ADGRG6: variants seen among roughly 807,000 people sequenced by gnomAD.
ADGRG6 encodes G-protein coupled receptor 126.
In ADGRG6, 84 loss-of-function variants were observed where a neutral mutation model predicts 142.4. That is an observed-to-expected ratio of 0.59 (90% CI 0.49 to 0.71). The LOEUF (loss-of-function observed/expected upper bound fraction) is 0.71. ADGRG6 is among the 30% of genes least tolerant of loss of function. The pLI is 0.00. For missense variants in ADGRG6, 1,367 were observed against 1,466.6 expected (o/e 0.93, Z 1.11); for synonymous variants, 521 against 520.5 (o/e 1.00, Z -0.01).
intron 2 of ADGRG6, among the ~76,000 whole-genome samples, chr6:142,318,517 T>C (rs751345876): frequency 3.4e-5 from 5 of 145,736 alleles, no homozygotes; most frequent in Non-Finnish European, 7.4e-5. Context: ...TTAGTGTTAT[T>C]GGGGAGACTA....
Position 142,409,896 on chromosome 6 carries a change from C to T in ADGRG6, c.2411C>T (p.Ala804Val). 1.3e-6 allele frequency: 2 copies of T among 1,489,670 alleles called. No individual in the cohort carries two copies. The highest frequency in any genetic ancestry group is 1.9e-6 in the Non-Finnish European group (2 of 1,080,634). The allele number at this position is 1,489,670 out of a possible 1,614,324, so 92.3% of individuals were successfully genotyped here. Residue 804 changes from alanine (A) to valine (V), a missense_variant, in exon 17 of 25, where the codon GCC (alanine) becomes GTC (valine). Physicochemically the swap from Ala to Val is moderately conservative, Grantham distance 64. Around this residue, in one of 3 missense-constraint regions of ADGRG6, gnomAD observed 286 missense variants for 371.4 expected, o/e 0.77. Coordinates refer to ENST00000367609, the MANE Select transcript of ADGRG6 (RefSeq NM_198569.3). ...RTQEVHHPIC[A>V]FWDLNKNKSF... is the part of the protein sequence containing the mutation. Reference sequence around the variant, plus strand: ...TAGGAAGTGCATCATCCCATCTGTGCCTTCTGGGATCTGAACAAAAACAGT... The same window carrying T: ...TAGGAAGTGCATCATCCCATCTGTGTCTTCTGGGATCTGAACAAAAACAGT...
chr6:142,333,369 A>G (rs1350355649), intron 2 of ADGRG6, among the ~76,000 whole-genome samples: 1 of 152,136 alleles, frequency 6.6e-6, no homozygotes, highest in African/African-American at 2.4e-5. Flanking sequence ...CTATTTCCCT[A>G]AGAGTTTACA....
intron 4 of ADGRG6, among the ~76,000 whole-genome samples, chr6:142,373,710 T>C (rs769375159): frequency 3.9e-5 from 6 of 152,128 alleles, no homozygotes; most frequent in Non-Finnish European, 7.4e-5. Context: ...CAGCTAATTT[T>C]TTAAAACATT....
intron 22 of ADGRG6, among the ~76,000 whole-genome samples, chr6:142,434,303 T>G (rs954027561): frequency 2.6e-5 from 4 of 151,170 alleles, no homozygotes; most frequent in African/African-American, 9.7e-5. Context: ...CTCTCAGAGA[T>G]CAACATATTT....
At chr6:142,361,649 A>G (rs1356368224) in intron 2 of ADGRG6, among the ~76,000 whole-genome samples, 3 of 152,200 alleles carry the variant, frequency 2.0e-5, no homozygotes, top group Non-Finnish European at 2.9e-5. Flanking sequence ...TCAGAGGCCT[A>G]TGGATTCATG....
chr6:142,348,142 A>C (rs1411929447), intron 2 of ADGRG6, among the ~76,000 whole-genome samples: 1 of 152,136 alleles, frequency 6.6e-6, no homozygotes, highest in Non-Finnish European at 1.5e-5. Context: ...TGGTGGAATT[A>C]AGGTTTTGAG....
rs541983746 is a variant in ADGRG6 at position 142,343,791 on chromosome 6, A to G, written c.104-23778A>G. On this transcript the variant is annotated intron_variant, in intron 2 of 24. Coordinates refer to ENST00000367609, the MANE Select transcript of ADGRG6 (RefSeq NM_198569.3). The stretch of plus-strand genomic sequence containing the variant: ...GTGCAGTTCAATCACTTATTTCAAC[A>G]TGGTACAAAAAAGTCAAGTGTGTGA... Among the ~76,000 whole-genome samples the G allele has an allele frequency of 4.6e-5, 7 of 152,084 alleles. No homozygotes were observed. The East Asian group carries it at 5.8e-4, about 13-fold the overall frequency.
chr6:142,361,386 C>T (rs1235254881), intron 2 of ADGRG6, among the ~76,000 whole-genome samples: 3 of 152,054 alleles, frequency 2.0e-5, no homozygotes, highest in Admixed American at 6.6e-5. Flanking sequence ...TCGGATGATG[C>T]CCATGCTGCT....
In ADGRG6 at chr6:142,416,021, TTACATTCGCCGA is replaced by T; in HGVS notation, c.2903_2914del (p.Arg968_Ile971del). The T allele has an allele frequency of 6.2e-7, 1 of 1,612,108 alleles. No homozygotes were observed. The highest frequency in any genetic ancestry group is 8.5e-7 in the Non-Finnish European group (1 of 1,178,390). On this transcript the variant is annotated inframe_deletion, in exon 20 of 25. Coordinates refer to ENST00000367609, the MANE Select transcript of ADGRG6 (RefSeq NM_198569.3). The stretch of plus-strand genomic sequence containing the variant: ...TTGCTCTAGTTAAAGTATTTAACAC[TTACATTCGCCGA>T]TACATTCTAAAATTCTGCATCATTG...
chr6:142,309,477 T>C, intron 1 of ADGRG6, 67 bp from the exon 2 acceptor site: 1 of 1,134,154 alleles, frequency 8.8e-7, no homozygotes, highest in Non-Finnish European at 1.3e-6. Context: ...CCTATAGTTT[T>C]TACTTTATTT....
chr6:142,381,971 C>A lies in ADGRG6; in HGVS notation c.1090C>A (p.Pro364Thr), dbSNP rs1409812012. ...TCAAGGTTCCTACCTGATCCCGCTCCCAGCAGCAGAACTGGCCAGCTGTGC... is the reference window on the plus strand; with the variant it reads ...TCAAGGTTCCTACCTGATCCCGCTCACAGCAGCAGAACTGGCCAGCTGTGC... ...LSCGSYLIPL[P>T]AAELASCADL... Residue 364 changes from proline (P) to threonine (T), a missense_variant, in exon 5 of 25, where the codon CCA (proline) becomes ACA (threonine). Pro to Thr is a conservative substitution (Grantham distance 38). This residue lies in a region of ADGRG6 where 737 missense variants were observed against 746.5 expected (regional missense o/e 0.99). Transcript: ENST00000367609. 3 of 1,605,330 alleles carry A rather than the reference C, an allele frequency of 1.9e-6. No individual in the cohort carries two copies. The Admixed American group carries it at 5.1e-5, about 27-fold the overall frequency.
chr6:142,413,150 G>T (rs905471943), intron 18 of ADGRG6, among the ~76,000 whole-genome samples: 1 of 150,798 alleles, frequency 6.6e-6, no homozygotes, highest in Non-Finnish European at 1.5e-5. Context: ...ATCCTTTTTG[G>T]TGATGTTCTC....
At chr6:142,423,391 C>G (rs535706250) in intron 22 of ADGRG6, among the ~76,000 whole-genome samples, 65 of 152,146 alleles carry the variant, frequency 4.3e-4, no homozygotes, top group Non-Finnish European at 4.4e-5. Context: ...TATGGCTAGC[C>G]AATTTTCCCA....
chr6:142,339,382 A>G (rs1201022417), intron 2 of ADGRG6, among the ~76,000 whole-genome samples: 1 of 152,216 alleles, frequency 6.6e-6, no homozygotes, highest in Non-Finnish European at 1.5e-5. Context: ...TAAAGATTTG[A>G]TTTAGGAACT....
In ADGRG6 at chr6:142,402,634, G is replaced by C. The variant is rs780503322; in HGVS notation, c.1759G>C (p.Val587Leu). ...CTTTGTTTTAGAAGAAGCAAATGAAGTTGCTAACCAGATTTTAAATTTAAC... is the reference window on the plus strand; with the variant it reads ...CTTTGTTTTAGAAGAAGCAAATGAACTTGCTAACCAGATTTTAAATTTAAC... ...ISNCLKEANEVANQILNLTAD... is the reference protein window; with the variant it reads ...ISNCLKEANELANQILNLTAD... Residue 587 changes from valine (V) to leucine (L), a missense_variant, in exon 13 of 25, where the codon GTT (valine) becomes CTT (leucine). By Grantham distance (32) the Val-to-Leu change is conservative. Around this residue, in one of 3 missense-constraint regions of ADGRG6, gnomAD observed 737 missense variants for 746.5 expected, o/e 0.99. Transcript: ENST00000367609. The C allele has an allele frequency of 6.3e-7, 1 of 1,583,682 alleles. No individual in the cohort carries two copies. The highest frequency in any genetic ancestry group is 1.1e-5 in the South Asian group (1 of 88,676).
intron 19 of ADGRG6, 130 bp from the exon 20 acceptor site, chr6:142,415,666 A>T (rs1461389314): frequency 1.6e-6 from 1 of 628,624 alleles, no homozygotes; most frequent in African/African-American, 1.8e-5. Context: ...TTTTAGCAGA[A>T]CCACATCAGA....
intron 6 of ADGRG6, among the ~76,000 whole-genome samples, chr6:142,385,080 G>A (rs1406961377): frequency 7.9e-5 from 12 of 151,924 alleles, no homozygotes. Flanking sequence ...AACATACAAA[G>A]AGCCTCTGTG....
chr6:142,355,393 A>C (rs1390567689), intron 2 of ADGRG6, among the ~76,000 whole-genome samples: 1 of 152,150 alleles, frequency 6.6e-6, no homozygotes, highest in Non-Finnish European at 1.5e-5. Flanking sequence ...TCCATAGAAC[A>C]TCCCTACTTG....
chr6:142,397,398 T>C (rs958011456), intron 9 of ADGRG6, among the ~76,000 whole-genome samples: 1 of 152,264 alleles, frequency 6.6e-6, no homozygotes, highest in Non-Finnish European at 1.5e-5. Flanking sequence ...TTGACAGAAT[T>C]ATACAAGCAA....
Sources: allele counts gnomAD v4.1 joint callset (sites outside exome capture counted in the v4.1 genomes callset), GRCh38; gene constraint gnomAD v4.1.1; regional missense constraint gnomAD v4.1.1; transcripts MANE v1.5; gene names NCBI Gene and HGNC (gene_info 2026-07-23, HGNC 2026-07-21).